Variants in GSE1 observed in about 807,000 individuals in gnomAD.
GSE1 encodes the protein genetic suppressor element 1.
In GSE1, 32 loss-of-function variants were observed where a neutral mutation model predicts 112.6. The observed-to-expected ratio is 0.28, with a 90% CI of 0.21 to 0.38. GSE1 has a LOEUF of 0.38. Among genes scored for constraint, GSE1 ranks in the 10% least tolerant of loss-of-function variants. The probability of loss-of-function intolerance (pLI) is 1.00; values close to 1 mark genes in which losing one functional copy is unlikely to be tolerated. For missense variants in GSE1, 2,348 were observed against 1,699.2 expected (o/e 1.38, Z -6.71); for synonymous variants, 1,115 against 735.6 (o/e 1.52, Z -8.35).
chr16:85,271,772 A>G (rs1013856489), intron 1 of GSE1, among the ~76,000 whole-genome samples: 3 of 152,106 alleles, frequency 2.0e-5, no homozygotes, highest in African/African-American at 7.2e-5. Context: ...TGGGGAGAGC[A>G]GTGCCGCCTG....
rs117759437 is a variant in GSE1, at chr16:85,622,128, C to T, written c.7+8730C>T. On this transcript the variant is annotated intron_variant, in intron 1 of 15. Transcript: ENST00000253458. ...CAGCAGTTGACAGGATGATTGTGGCCGGAAAAGGTGACCAGTTTGTCCTGT... is the reference window on the plus strand; with the variant it reads ...CAGCAGTTGACAGGATGATTGTGGCTGGAAAAGGTGACCAGTTTGTCCTGT... 8.1e-3 allele frequency among the ~76,000 whole-genome samples: 1,231 copies of T among 152,246 alleles called. 28 individuals are homozygous for T. Among genetic ancestry groups the T allele is most frequent in the Admixed American group, 0.045 (688 of 15,300 alleles).
intron 1 of GSE1, among the ~76,000 whole-genome samples, chr16:85,298,023 C>A (rs558388682): frequency 6.6e-6 from 1 of 152,332 alleles, no homozygotes; most frequent in Non-Finnish European, 1.5e-5. Flanking sequence ...ACAGTTGGAA[C>A]AGATCACTGA....
intron 2 of GSE1, among the ~76,000 whole-genome samples, chr16:85,532,524 A>T (rs970261272): frequency 6.6e-6 from 1 of 152,212 alleles, no homozygotes; most frequent in African/African-American, 2.4e-5. Context: ...GGCCTCCCAG[A>T]GTGCCGAGAT....
At chr16:85,645,032 G>A (rs975018950) in intron 2 of GSE1, among the ~76,000 whole-genome samples, 9 of 151,626 alleles carry the variant, frequency 5.9e-5, no homozygotes, top group Non-Finnish European at 7.4e-5. Context: ...CCCACCCTCT[G>A]CCCCTGAGGT....
intron 2 of GSE1, among the ~76,000 whole-genome samples, chr16:85,433,454 C>G (rs2049168209): frequency 6.6e-6 from 1 of 152,142 alleles, no homozygotes; most frequent in Non-Finnish European, 1.5e-5. Flanking sequence ...GCCGTGATCC[C>G]TGGCCACCCC....
intron 1 of GSE1, among the ~76,000 whole-genome samples, chr16:85,275,884 C>G (rs1376814416): frequency 6.6e-6 from 1 of 152,248 alleles, no homozygotes; most frequent in African/African-American, 2.4e-5. Flanking sequence ...GCGGTCTCTG[C>G]TCTCTGGCCC....
Position 85,463,807 on chromosome 16 carries a change from G to A in GSE1, c.2464+106164G>A, listed in dbSNP as rs543074748. On this transcript the variant is annotated intron_variant, in intron 2 of 2. Coordinates refer to the GSE1 transcript ENST00000637419. ...GAGTCCCATCGGAGAGAGGGTGAGC[G>A]GGACTCTGAGGCCTGGGGCAGTGCC... Among the ~76,000 whole-genome samples the A allele has an allele frequency of 9.2e-5, 14 of 152,318 alleles. No homozygotes were observed. In the East Asian group the frequency reaches 1.2e-3, roughly 13 times the overall value.
intron 3 of GSE1, among the ~76,000 whole-genome samples, chr16:85,649,646 C>G (rs866358963): frequency 3.3e-5 from 5 of 152,204 alleles, no homozygotes; most frequent in South Asian, 2.1e-4. Flanking sequence ...CCCCCCACCC[C>G]TGGCGCGCAG....
At chr16:85,652,583 C>T (rs952019770) in intron 3 of GSE1, among the ~76,000 whole-genome samples, 10 of 152,314 alleles carry the variant, frequency 6.6e-5, no homozygotes, top group African/African-American at 2.2e-4. Flanking sequence ...AGTTAATCCT[C>T]GCTGACTGTC....
At position 85,567,777 on chromosome 16, in the gene GSE1, T is replaced by C. The variant is rs371151701; in HGVS notation, c.37+11414T>C. On this transcript the variant is annotated intron_variant, in intron 1 of 2. Transcript: ENST00000635906. Reference sequence around the variant, plus strand: ...TCGCTCTGTTGCTCGGGCTGGAGTGTAGTGGTGCGATCTCAGCTCACTGCA... The same window carrying C: ...TCGCTCTGTTGCTCGGGCTGGAGTGCAGTGGTGCGATCTCAGCTCACTGCA... Among the ~76,000 whole-genome samples the C allele has an allele frequency of 4.3e-4, 66 of 152,308 alleles. No homozygotes were observed. The South Asian group carries it at 0.013, about 30-fold the overall frequency.
intron 1 of GSE1, among the ~76,000 whole-genome samples, chr16:85,300,866 C>G (rs906075357): frequency 2.6e-5 from 4 of 152,206 alleles, no homozygotes; most frequent in African/African-American, 9.6e-5. Flanking sequence ...TAGTTGGACT[C>G]ACGCCCCATA....
intron 9 of GSE1, chr16:85,662,188 G>A (rs923976359): frequency 5.8e-6 from 1 of 171,632 alleles, no homozygotes; most frequent in Non-Finnish European, 1.2e-5. Context: ...GGTTGAGGAC[G>A]CGGCGGCTGG....
intron 11 of GSE1, among the ~76,000 whole-genome samples, chr16:85,664,385 C>G (rs981048138): frequency 6.6e-6 from 1 of 150,962 alleles, no homozygotes; most frequent in Admixed American, 6.6e-5. Context: ...TTTACTTTCT[C>G]CTTTTAACCA....
intron 2 of GSE1, among the ~76,000 whole-genome samples, chr16:85,482,641 T>C (rs1449130632): frequency 6.6e-6 from 1 of 152,152 alleles, no homozygotes; most frequent in Non-Finnish European, 1.5e-5. Flanking sequence ...TATGTACAGA[T>C]CAGGCACCCC....
intron 1 of GSE1, among the ~76,000 whole-genome samples, chr16:85,589,745 C>T (rs960527926): frequency 1.3e-5 from 2 of 151,650 alleles, no homozygotes; most frequent in Non-Finnish European, 2.9e-5. Context: ...ATGTGGATGA[C>T]TGAACATGTG....
chr16:85,514,253 T>G (rs1230749369), intron 2 of GSE1, among the ~76,000 whole-genome samples: 1 of 149,444 alleles, frequency 6.7e-6, no homozygotes, highest in Non-Finnish European at 1.5e-5. Context: ...CCTCTCCCTC[T>G]GTGCTCTTCC....
intron 2 of GSE1, among the ~76,000 whole-genome samples, chr16:85,640,650 G>A (rs1300691661): frequency 6.6e-6 from 1 of 152,246 alleles, no homozygotes; most frequent in Non-Finnish European, 1.5e-5. Flanking sequence ...GAGCTGCCGT[G>A]GGAATGCTTC....
intron 2 of GSE1, among the ~76,000 whole-genome samples, chr16:85,382,127 G>GCCACCCCCACGCAA (rs2047560630): frequency 6.6e-6 from 1 of 152,222 alleles, no homozygotes; most frequent in African/African-American, 2.4e-5. Context: ...TGGCCGGGCA[G>GCCACCCCCACGCAA]TCACCCCCAC....
chr16:85,234,694 C>T (rs2143864764), intron 1 of GSE1, among the ~76,000 whole-genome samples: 1 of 152,296 alleles, frequency 6.6e-6, no homozygotes. Flanking sequence ...CCTCACACTG[C>T]CCTTGACCCT....
Sources: gnomAD v4.1 joint callset for allele counts (sites outside exome capture counted in the v4.1 genomes callset) on GRCh38, gnomAD v4.1.1 for gene constraint, MANE v1.5 for transcripts, NCBI Gene and HGNC (gene_info 2026-07-23, HGNC 2026-07-21) for gene names.